Variants in NHSL1 observed in about 807,000 individuals in gnomAD.
NHSL1 encodes NHS like 1.
In NHSL1, 48 loss-of-function variants were observed where a neutral mutation model predicts 95.0. The ratio of observed to expected loss-of-function variants is 0.51; its 90% confidence interval spans 0.40 to 0.64. The LOEUF is 0.64. Among genes scored for constraint, NHSL1 ranks in the 30% least tolerant of loss-of-function variants. The probability of loss-of-function intolerance (pLI) is 0.00; values close to 1 mark genes in which losing one functional copy is unlikely to be tolerated. For missense variants in NHSL1, 1,971 were observed against 2,077.7 expected (o/e 0.95, Z 1.00); for synonymous variants, 783 against 833.9 (o/e 0.94, Z 1.05).
rs1775162520 is a variant in NHSL1, at chr6:138,424,939, T to A, written c.4086-123A>T. On this transcript the variant is annotated intron_variant, in intron 7 of 7. Coordinates refer to ENST00000343505, the MANE Select transcript of NHSL1 (RefSeq NM_001144060.2). The surrounding 1 kb of genome is among the most constrained non-coding windows in gnomAD (Gnocchi z 5.9). ...CTACTTAAGATTCACTTTCAAAAAA[T>A]TTATTTTTGACTGGGCACAGTGGCT... 2 of 850,302 alleles carry A rather than the reference T, an allele frequency of 2.4e-6. No homozygotes were observed. The highest frequency in any genetic ancestry group is 3.5e-6 in the Non-Finnish European group (2 of 564,890). 52.7% of individuals were successfully genotyped at this position (850,302 alleles called of 1,614,324 possible).
intron 1 of NHSL1, among the ~76,000 whole-genome samples, chr6:138,620,697 T>C (rs1162702082): frequency 6.6e-6 from 1 of 152,228 alleles, no homozygotes; most frequent in African/African-American, 2.4e-5. Context: ...ACTTTTCCAT[T>C]CTGCAAGGAG....
At chr6:138,451,773 G>C (rs1296091042) in intron 3 of NHSL1, among the ~76,000 whole-genome samples, 1 of 152,200 alleles carries the variant, frequency 6.6e-6, no homozygotes, top group African/African-American at 2.4e-5. Flanking sequence ...CTGTGAAACA[G>C]TGTAAAATAA....
chr6:138,619,933 G>A (rs547523442), intron 1 of NHSL1, among the ~76,000 whole-genome samples: 1 of 123,388 alleles, frequency 8.1e-6, no homozygotes, highest in Non-Finnish European at 1.6e-5. Flanking sequence ...GGGCAACAGA[G>A]CGAAACTCTA....
intron 1 of NHSL1, among the ~76,000 whole-genome samples, chr6:138,515,603 G>C (rs1328166497): frequency 6.6e-6 from 1 of 152,222 alleles, no homozygotes; most frequent in Non-Finnish European, 1.5e-5. Flanking sequence ...ATGCCAGTAA[G>C]TTAGTTGATC....
chr6:138,437,319 TAC>T lies in NHSL1; in HGVS notation c.665-3641_665-3640del, dbSNP rs1204870537. Reference sequence around the variant, plus strand: ...ATGTATATATATATATATATATATATACACACACACATATATATATATACACA... The same window carrying T: ...ATGTATATATATATATATATATATATACACACACATATATATATATACACA... On this transcript the variant is annotated intron_variant, in intron 5 of 7. Transcript: ENST00000343505. 7.3e-3 allele frequency among the ~76,000 whole-genome samples: 742 copies of T among 101,980 alleles called. 67 individuals carry two copies. The highest frequency in any genetic ancestry group is 0.025 in the African/African-American group (594 of 24,054). The allele number at this position is 101,980 out of a possible 152,430, so 66.9% of individuals were successfully genotyped here.
At chr6:138,691,332 C>T (rs1191897542) in intron 1 of NHSL1, among the ~76,000 whole-genome samples, 1 of 152,120 alleles carries the variant, frequency 6.6e-6, no homozygotes, top group Non-Finnish European at 1.5e-5. Context: ...AAATGTAAAA[C>T]TGCCACGAAT....
chr6:138,544,205 C>T (rs1782693824), intron 1 of NHSL1, among the ~76,000 whole-genome samples: 1 of 152,180 alleles, frequency 6.6e-6, no homozygotes, highest in Non-Finnish European at 1.5e-5. Flanking sequence ...CATGTACCTT[C>T]ATCCAATAAT....
At chr6:138,676,424 T>C (rs1242829682) in intron 1 of NHSL1, among the ~76,000 whole-genome samples, 1 of 152,116 alleles carries the variant, frequency 6.6e-6, no homozygotes, top group African/African-American at 2.4e-5. Flanking sequence ...AAAACTAGTC[T>C]AAAAAATAGT....
rs1381256773 is a variant in NHSL1 at position 138,540,354 on chromosome 6, C to T, written c.16+5269G>A. On this transcript the variant is annotated intron_variant, in intron 1 of 4. Coordinates refer to the NHSL1 transcript ENST00000342260. ...TTTAAAAGTCTTTCAAAATGGTGCT[C>T]AGAATCAACTAGCATAAACTTTGCT... is the stretch of plus-strand genomic sequence containing the variant. Among the ~76,000 whole-genome samples, 5 of 152,170 alleles carry T rather than the reference C, an allele frequency of 3.3e-5. No homozygotes were observed. The East Asian group carries it at 7.7e-4, about 23-fold the overall frequency.
chr6:138,448,105 A>G (rs530186117), intron 3 of NHSL1, among the ~76,000 whole-genome samples: 6 of 152,324 alleles, frequency 3.9e-5, no homozygotes, highest in African/African-American at 1.2e-4. Context: ...GTCTGTTTTG[A>G]TACAGATTAA....
intron 1 of NHSL1, among the ~76,000 whole-genome samples, chr6:138,586,591 G>C (rs904102327): frequency 6.6e-5 from 10 of 152,188 alleles, no homozygotes; most frequent in African/African-American, 2.4e-4. Flanking sequence ...TTACAATGAG[G>C]TCTGAGGAAA....
Position 138,499,248 on chromosome 6 carries a change from G to A in NHSL1, c.43C>T (p.Leu15Phe). Reference sequence around the variant, plus strand: ...AACTACTTACTTTTCTTCTTAAAAAGTTTAATTAAAGACTTAATCTTTGCA... The same window carrying A: ...AACTACTTACTTTTCTTCTTAAAAAATTTAATTAAAGACTTAATCTTTGCA... Reference protein sequence around the residue: ...INAKIKSLIKLFKKKTVSNLD... With the variant: ...INAKIKSLIKFFKKKTVSNLD... The change falls in exon 1 of 8, where the codon CTT (leucine) becomes TTT (phenylalanine). Residue 15 changes from leucine (L) to phenylalanine (F), a missense_variant. This residue lies in a region of NHSL1 where 1,602 missense variants were observed against 1,654.5 expected (regional missense o/e 0.97). Transcript: ENST00000343505. 1 of 1,549,142 alleles carries A rather than the reference G, an allele frequency of 6.5e-7. No individual in the cohort carries two copies. Among genetic ancestry groups the A allele is most frequent in the South Asian group, 1.2e-5 (1 of 84,012 alleles).
At chr6:138,610,051 C>T (rs1466883701) in intron 1 of NHSL1, among the ~76,000 whole-genome samples, 1 of 152,114 alleles carries the variant, frequency 6.6e-6, no homozygotes, top group Non-Finnish European at 1.5e-5. Context: ...TTCCCCATAA[C>T]ACCCCCACCT....
intron 1 of NHSL1, among the ~76,000 whole-genome samples, chr6:138,624,677 C>T (rs761189599): frequency 2.6e-5 from 4 of 152,154 alleles, no homozygotes; most frequent in Non-Finnish European, 5.9e-5. Flanking sequence ...CAGAAACAGC[C>T]TCCTTCTGAC....
chr6:138,578,283 T>C lies in NHSL1; in HGVS notation c.97-81912A>G, dbSNP rs563432708. 3.3e-5 allele frequency among the ~76,000 whole-genome samples: 5 copies of C among 152,320 alleles called. No individual in the cohort carries two copies. In the South Asian group the frequency reaches 1.0e-3, roughly 32 times the overall value. ...GACATCCTAAGCCTTAGCTGCACTGTCCCCATGGGATCACTTGATACAGAA... is the reference window on the plus strand; with the variant it reads ...GACATCCTAAGCCTTAGCTGCACTGCCCCCATGGGATCACTTGATACAGAA... On this transcript the variant is annotated intron_variant, in intron 1 of 3. Transcript: ENST00000491526.
intron 4 of NHSL1, among the ~76,000 whole-genome samples, chr6:138,445,988 C>G (rs1352858864): frequency 6.6e-6 from 1 of 152,002 alleles, no homozygotes; most frequent in Admixed American, 6.6e-5. Context: ...ACCACTAACC[C>G]ATGCTCCTTG....
rs1223856358 is a variant in NHSL1, at chr6:138,692,571, G to A, written c.2C>T (p.Ter1=). ...GGCGGTGCGGTGGCCCAGCGCGGCC[G>A]CCTGGCCCTCGAGCTCGCCGAAGAT... On this transcript the variant is annotated coding_sequence_variant, in exon 1 of 4. Transcript: ENST00000491526. This position sits in a 1 kb window ranked among gnomAD's most constrained non-coding sequence, Gnocchi z 4.0. 5.1e-6 allele frequency: 1 copy of A among 194,890 alleles called. No homozygotes were observed. The highest frequency in any genetic ancestry group is 1.0e-5 in the Non-Finnish European group (1 of 97,162). The allele number at this position is 194,890 out of a possible 1,614,324, so 12.1% of individuals were successfully genotyped here. A position where few individuals can be genotyped will look rare whatever the true frequency, so the allele number is the denominator to read the frequency against.
intron 1 of NHSL1, among the ~76,000 whole-genome samples, chr6:138,568,497 G>C (rs1783703434): frequency 6.6e-6 from 1 of 152,176 alleles, no homozygotes; most frequent in Admixed American, 6.5e-5. Flanking sequence ...GGCTAATTAA[G>C]TCAAAACATC....
intron 1 of NHSL1, among the ~76,000 whole-genome samples, chr6:138,600,800 T>C (rs1784361322): frequency 1.3e-5 from 2 of 152,202 alleles, no homozygotes; most frequent in South Asian, 4.1e-4. Flanking sequence ...AAACTCATGT[T>C]TTAAAATAAC....
Sources: gnomAD v4.1 joint callset for allele counts (sites outside exome capture counted in the v4.1 genomes callset) on GRCh38, gnomAD v4.1.1 for gene constraint, gnomAD v4.1.1 regional missense constraint, Gnocchi (gnomAD v3.1) non-coding constraint, MANE v1.5 for transcripts, NCBI Gene and HGNC (gene_info 2026-07-23, HGNC 2026-07-21) for gene names.